Variants in LYPLAL1 observed in about 807,000 individuals in gnomAD.
The protein encoded by LYPLAL1 is lysophospholipase-like protein 1.
Under a neutral mutation model 19.7 loss-of-function variants are expected in LYPLAL1, and 23 were observed. The ratio of observed to expected loss-of-function variants is 1.17; its 90% CI spans 0.84 to 1.65. The LOEUF is 1.65. LYPLAL1 is among the 40% of genes most tolerant of loss of function. The pLI is 0.00. For missense variants in LYPLAL1, 355 were observed against 279.4 expected, an observed-to-expected ratio of 1.27 and a Z score of -1.93; for synonymous variants, 119 against 96.3, an observed-to-expected ratio of 1.24 and a Z score of -1.38.
At chr1:219,429,904 T>A in the LYPLAL1 span, among the ~76,000 whole-genome samples, 1 of 152,124 alleles carries the variant, frequency 6.6e-6, no homozygotes, top group Non-Finnish European at 1.5e-5. Context: ...GAAGCACAGA[T>A]CCTTAGAAAT....
intron 2 of LYPLAL1, among the ~76,000 whole-genome samples, chr1:219,190,467 G>A (rs1015423882): frequency 2.6e-5 from 4 of 151,276 alleles, no homozygotes; most frequent in African/African-American, 9.7e-5. Flanking sequence ...AGGCTTAGGT[G>A]TAAAAATGAA....
chr1:219,346,124 G>A, the LYPLAL1 span, among the ~76,000 whole-genome samples: 1 of 152,200 alleles, frequency 6.6e-6, no homozygotes, highest in Non-Finnish European at 1.5e-5. Flanking sequence ...GAGACTATGA[G>A]TATTGCCAGG....
chr1:219,316,433 A>T, the LYPLAL1 span, among the ~76,000 whole-genome samples: 1 of 152,190 alleles, frequency 6.6e-6, no homozygotes, highest in Non-Finnish European at 1.5e-5. Flanking sequence ...TGGATTTAGT[A>T]TCAGGGCAAT....
the LYPLAL1 span, among the ~76,000 whole-genome samples, chr1:219,395,069 G>A: frequency 3.4e-4 from 52 of 152,322 alleles, no homozygotes; most frequent in African/African-American, 1.2e-3. Context: ...ACTGTGAATA[G>A]TGCTGCAGTG....
At chr1:219,322,489 C>T in the LYPLAL1 span, among the ~76,000 whole-genome samples, 4 of 152,088 alleles carry the variant, frequency 2.6e-5, no homozygotes, top group African/African-American at 7.2e-5. Flanking sequence ...AAAACATATT[C>T]TATATTTTAT....
At chr1:219,198,843 A>C (rs926287709) in intron 3 of LYPLAL1, 3 of 152,192 alleles carry the variant, frequency 2.0e-5, no homozygotes, top group Non-Finnish European at 4.4e-5. Flanking sequence ...AAAGCTACGT[A>C]CATTTTTCCT....
At chr1:219,419,742 G>A in the LYPLAL1 span, among the ~76,000 whole-genome samples, 13 of 152,212 alleles carry the variant, frequency 8.5e-5, 1 homozygote, top group African/African-American at 3.1e-4. Flanking sequence ...TGGGGGTAGG[G>A]GGTCCAGCCT....
the LYPLAL1 span, among the ~76,000 whole-genome samples, chr1:219,223,843 G>T: frequency 6.6e-6 from 1 of 151,898 alleles, no homozygotes; most frequent in Non-Finnish European, 1.5e-5. Flanking sequence ...AGTTTTTATT[G>T]TGATAAATTC....
intron 1 of LYPLAL1, among the ~76,000 whole-genome samples, chr1:219,177,094 AC>A (rs1655879887): frequency 6.6e-6 from 1 of 152,228 alleles, no homozygotes; most frequent in South Asian, 2.1e-4. Context: ...TGCAAAGATG[AC>A]AGAAGATGAA....
At chr1:219,256,388 T>C in the LYPLAL1 span, among the ~76,000 whole-genome samples, 1 of 151,920 alleles carries the variant, frequency 6.6e-6, no homozygotes, top group South Asian at 2.1e-4. Flanking sequence ...TTACAAAATG[T>C]AATAATGATC....
intron 2 of LYPLAL1, among the ~76,000 whole-genome samples, chr1:219,190,964 T>C (rs540349676): frequency 2.0e-5 from 3 of 151,730 alleles, no homozygotes; most frequent in Admixed American, 6.6e-5. Flanking sequence ...GTGGAGATGG[T>C]GGTTGCATTG....
the LYPLAL1 span, among the ~76,000 whole-genome samples, chr1:219,330,072 G>C: frequency 6.6e-6 from 1 of 152,162 alleles, no homozygotes; most frequent in African/African-American, 2.4e-5. Context: ...TGTCACAAAA[G>C]CATGTGAGTT....
At chr1:219,400,049 GTTGCT>G in the LYPLAL1 span, among the ~76,000 whole-genome samples, 14 of 152,098 alleles carry the variant, frequency 9.2e-5, no homozygotes, top group Admixed American at 9.2e-4. Context: ...GTAAGAGCAT[GTTGCT>G]TCTTGCCAGT....
the LYPLAL1 span, among the ~76,000 whole-genome samples, chr1:219,413,803 A>C: frequency 6.6e-6 from 1 of 152,232 alleles, no homozygotes; most frequent in Non-Finnish European, 1.5e-5. Context: ...CGTGCTAGGC[A>C]CTGGAAGCAC....
chr1:219,341,678 C>G, the LYPLAL1 span, among the ~76,000 whole-genome samples: 1 of 152,000 alleles, frequency 6.6e-6, no homozygotes, highest in Admixed American at 6.6e-5. Flanking sequence ...TTAAAGAATA[C>G]ACTTATCATT....
At chr1:219,342,444 C>T in the LYPLAL1 span, among the ~76,000 whole-genome samples, 1 of 152,076 alleles carries the variant, frequency 6.6e-6, no homozygotes. Context: ...CCCTATTAGG[C>T]CCCAAGGAAC....
At chr1:219,437,117 C>G in the LYPLAL1 span, 3 of 152,184 alleles carry the variant, frequency 2.0e-5, no homozygotes, top group African/African-American at 7.2e-5. Context: ...CTGTAGTTTG[C>G]TTCTCCTCCT....
At chr1:219,225,901 C>A in the LYPLAL1 span, among the ~76,000 whole-genome samples, 26 of 152,224 alleles carry the variant, frequency 1.7e-4, no homozygotes, top group South Asian at 1.0e-3. Context: ...GCCAATATTT[C>A]CTGGACGTGC....
intron 1 of LYPLAL1, among the ~76,000 whole-genome samples, chr1:219,177,705 T>C (rs901201018): frequency 4.6e-5 from 7 of 152,222 alleles, no homozygotes; most frequent in African/African-American, 1.7e-4. Flanking sequence ...TGTTTCTATC[T>C]ACATCATCGC....
Sources: allele counts gnomAD v4.1 joint callset (sites outside exome capture counted in the v4.1 genomes callset), GRCh38; gene constraint gnomAD v4.1.1; transcripts MANE v1.5; gene names NCBI Gene and HGNC (gene_info 2026-07-23, HGNC 2026-07-21).